KIF6: variants seen among roughly 807,000 people sequenced by gnomAD.
KIF6 encodes kinesin-like protein KIF6.
In KIF6, 106 loss-of-function variants were observed where a neutral mutation model predicts 112.7. The observed-to-expected ratio is 0.94, with a 90% CI of 0.80 to 1.11. The LOEUF is 1.11. KIF6 is among the 50% of genes least tolerant of loss of function. KIF6 has a pLI of 0.00. For missense variants in KIF6, 929 were observed against 964.0 expected, an observed-to-expected ratio of 0.96 and a Z score of 0.48; for synonymous variants, 339 against 339.9, an observed-to-expected ratio of 1.00 and a Z score of 0.03.
intron 14 of KIF6, among the ~76,000 whole-genome samples, chr6:39,425,074 T>C (rs1770664894): frequency 6.6e-6 from 1 of 152,128 alleles, no homozygotes; most frequent in Non-Finnish European, 1.5e-5. Context: ...CTAGGGATCA[T>C]GGGCAGTGGC....
chr6:39,639,492 A>G, intron 4 of KIF6, 118 bp downstream of exon 4: 1 of 839,090 alleles, frequency 1.2e-6, no homozygotes. Context: ...AAGTTATGAC[A>G]CAATAAGACT....
chr6:39,402,916 T>G (rs1403297824), intron 15 of KIF6, among the ~76,000 whole-genome samples: 1 of 152,184 alleles, frequency 6.6e-6, no homozygotes, highest in South Asian at 2.1e-4. Context: ...AATTTCCTAC[T>G]TGCCCTGACC....
intron 3 of KIF6, among the ~76,000 whole-genome samples, chr6:39,693,031 G>A (rs1788316553): frequency 1.3e-5 from 2 of 152,174 alleles, no homozygotes; most frequent in African/African-American, 4.8e-5. Context: ...TAATGAAAGG[G>A]CATGACTCAG....
chr6:39,389,056 C>T (rs889700706), intron 15 of KIF6, among the ~76,000 whole-genome samples: 5 of 152,152 alleles, frequency 3.3e-5, no homozygotes, highest in South Asian at 2.1e-4. Context: ...CAGCAATCCA[C>T]GGGAAAGCTC....
At chr6:39,711,084 T>TAA (rs1023833547) in intron 3 of KIF6, among the ~76,000 whole-genome samples, 2 of 143,866 alleles carry the variant, frequency 1.4e-5, no homozygotes, top group African/African-American at 5.1e-5. Flanking sequence ...GAGATCACTT[T>TAA]AAAAAAAAAA....
At position 39,685,420 on chromosome 6, in the gene KIF6, C is replaced by T. The variant is rs762019915; in HGVS notation, c.251+29272G>A. ...TGATTGGTTGGGTCTATTTACTCAG[C>T]GAAGTATGAGGAAGCTGAAAGTGAG... On this transcript the variant is annotated intron_variant, in intron 3 of 22. Coordinates refer to ENST00000287152, the MANE Select transcript of KIF6 (RefSeq NM_145027.6). 6.6e-5 allele frequency among the ~76,000 whole-genome samples: 10 copies of T among 151,874 alleles called. No individual in the cohort carries two copies. In the East Asian group the frequency reaches 1.4e-3, roughly 21 times the overall value.
intron 3 of KIF6, among the ~76,000 whole-genome samples, chr6:39,642,078 C>A (rs951626500): frequency 1.8e-4 from 28 of 152,146 alleles, no homozygotes; most frequent in Admixed American, 1.3e-3. Flanking sequence ...TGTAACCACT[C>A]TTCAATGGAC....
rs150836062 is a variant in KIF6 at position 39,502,413 on chromosome 6, A to G, written c.1645+37590T>C. Among the ~76,000 whole-genome samples, 1,405 of 152,314 alleles carry G rather than the reference A, an allele frequency of 9.2e-3. 23 individuals carry two copies. The highest frequency in any genetic ancestry group is 0.032 in the African/African-American group (1,343 of 41,570). ...ACACACTGAAGTACACAGACCAGTG[A>G]CACTATGAAGCAATCACATAAACAA... On this transcript the variant is annotated intron_variant, in intron 13 of 22. Transcript: ENST00000287152.
At chr6:39,416,504 A>G (rs1769931792) in intron 15 of KIF6, among the ~76,000 whole-genome samples, 1 of 152,166 alleles carries the variant, frequency 6.6e-6, no homozygotes, top group African/African-American at 2.4e-5. Context: ...GAGATTTTAA[A>G]TTGGTTACTC....
At chr6:39,678,609 T>C (rs1454816844) in intron 3 of KIF6, among the ~76,000 whole-genome samples, 1 of 152,130 alleles carries the variant, frequency 6.6e-6, no homozygotes, top group Non-Finnish European at 1.5e-5. Flanking sequence ...ACTTCATGGG[T>C]GTAGCCCAAA....
At chr6:39,584,354 G>A (rs1781477463) in intron 9 of KIF6, among the ~76,000 whole-genome samples, 1 of 138,668 alleles carries the variant, frequency 7.2e-6, no homozygotes, top group Admixed American at 7.7e-5. Context: ...AGAGGCGGAG[G>A]TTGCAGTGAG....
At chr6:39,565,326 T>A (rs1360836378) in intron 10 of KIF6, among the ~76,000 whole-genome samples, 1 of 151,798 alleles carries the variant, frequency 6.6e-6, no homozygotes, top group Non-Finnish European at 1.5e-5. Context: ...CTTCCTCATA[T>A]GGTCTTTCTA....
At position 39,660,782 on chromosome 6, in the gene KIF6, A is replaced by G. The variant is rs372500268; in HGVS notation, c.252-21025T>C. ...ATAACAAAATAGATTAATGTGATCC[A>G]GAAGCGTCCATTTTCTTTCTAAATA... On this transcript the variant is annotated intron_variant, in intron 3 of 22. Coordinates refer to ENST00000287152, the MANE Select transcript of KIF6 (RefSeq NM_145027.6). 7.9e-5 allele frequency among the ~76,000 whole-genome samples: 12 copies of G among 152,348 alleles called. No homozygotes were observed. In the South Asian group the frequency reaches 1.9e-3, roughly 24 times the overall value.
intron 3 of KIF6, among the ~76,000 whole-genome samples, chr6:39,654,982 C>T (rs1785687211): frequency 6.6e-6 from 1 of 152,122 alleles, no homozygotes; most frequent in African/African-American, 2.4e-5. Context: ...CAGTCTTTAC[C>T]ATTTCTCTAT....
chr6:39,710,703 G>T (rs1043754981), intron 3 of KIF6, among the ~76,000 whole-genome samples: 1 of 152,118 alleles, frequency 6.6e-6, no homozygotes, highest in African/African-American at 2.4e-5. Context: ...AAAGAGAGGA[G>T]AACTATGAAT....
intron 16 of KIF6, among the ~76,000 whole-genome samples, chr6:39,367,600 ACAGTCCCAGG>A (rs1765665202): frequency 6.6e-6 from 1 of 152,072 alleles, no homozygotes; most frequent in Admixed American, 6.5e-5. Flanking sequence ...GCACAGACGC[ACAGTCCCAGG>A]CTGACCTTAT....
chr6:39,395,997 A>G (rs1768240886), intron 15 of KIF6, among the ~76,000 whole-genome samples: 1 of 152,208 alleles, frequency 6.6e-6, no homozygotes, highest in Admixed American at 6.5e-5. Flanking sequence ...CTACTCATTT[A>G]ATTTTAAATC....
intron 13 of KIF6, among the ~76,000 whole-genome samples, chr6:39,485,688 T>C (rs1377950425): frequency 1.3e-5 from 2 of 152,180 alleles, no homozygotes; most frequent in African/African-American, 2.4e-5. Context: ...GAAAGGAGCA[T>C]GTTGGCCTCT....
At chr6:39,663,451 A>C (rs1399849027) in intron 3 of KIF6, among the ~76,000 whole-genome samples, 1 of 152,192 alleles carries the variant, frequency 6.6e-6, no homozygotes, top group African/African-American at 2.4e-5. Flanking sequence ...TCCCTCAAGA[A>C]GCACATGGGA....
Sources: gnomAD v4.1 joint callset for allele counts (sites outside exome capture counted in the v4.1 genomes callset) on GRCh38, gnomAD v4.1.1 for gene constraint, MANE v1.5 for transcripts, NCBI Gene and HGNC (gene_info 2026-07-23, HGNC 2026-07-21) for gene names.